OSMR: variants seen among roughly 807,000 people sequenced by gnomAD.
OSMR encodes oncostatin M receptor, also known as oncostatin-M-specific receptor subunit beta.
In OSMR, 81 loss-of-function variants were observed where a neutral mutation model predicts 99.9. The ratio of observed to expected loss-of-function variants is 0.81; its 90% CI spans 0.68 to 0.97. OSMR has a LOEUF of 0.97. Among genes scored for constraint, OSMR ranks in the 50% least tolerant of loss-of-function variants. OSMR has a pLI of 0.00. For synonymous variants in OSMR, 406 were observed against 410.4 expected (o/e 0.99, Z 0.13); for missense variants, 1,099 against 1,153.4 (o/e 0.95, Z 0.68).
intron 1 of OSMR, among the ~76,000 whole-genome samples, chr5:38,858,700 A>G (rs180905362): frequency 6.6e-6 from 1 of 152,226 alleles, no homozygotes; most frequent in East Asian, 1.9e-4. Flanking sequence ...GTTTTCTATA[A>G]TGGCTCTTCT....
intron 7 of OSMR, among the ~76,000 whole-genome samples, chr5:38,888,911 G>A (rs541512730): frequency 3.3e-5 from 5 of 152,042 alleles, no homozygotes; most frequent in African/African-American, 9.7e-5. Flanking sequence ...TACTCTGGTC[G>A]TTGTATTTAA....
At chr5:38,874,383 G>C (rs1742638433) in intron 2 of OSMR, among the ~76,000 whole-genome samples, 1 of 152,092 alleles carries the variant, frequency 6.6e-6, no homozygotes, top group Non-Finnish European at 1.5e-5. Context: ...GTAACTTTCA[G>C]GGAAGGTAGC....
chr5:38,876,057 T>G (rs1407743393), intron 2 of OSMR, 144 bp from the exon 3 acceptor site: 1 of 1,181,048 alleles, frequency 8.5e-7, no homozygotes, highest in African/African-American at 1.6e-5. Context: ...CTCTTCCAGA[T>G]TTCCAAGGTG....
At chr5:38,889,188 A>G (rs1353474062) in intron 7 of OSMR, among the ~76,000 whole-genome samples, 1 of 152,050 alleles carries the variant, frequency 6.6e-6, no homozygotes, top group Non-Finnish European at 1.5e-5. Context: ...TTCTTTCAAT[A>G]TGTAGTATCA....
chr5:38,897,007 G>T (rs762668303), intron 7 of OSMR, among the ~76,000 whole-genome samples: 2 of 151,944 alleles, frequency 1.3e-5, no homozygotes, highest in Non-Finnish European at 2.9e-5. Flanking sequence ...ATCCCACTTG[G>T]TCATGATGAA....
chr5:38,877,719 C>T lies in OSMR; in HGVS notation c.246+1346C>T, dbSNP rs549014986. On this transcript the variant is annotated intron_variant, in intron 3 of 17. Transcript: ENST00000274276. ...ATTGTGGAAAACTAGCACTTAGCAC[C>T]GTTAGCAAAAATAACATTAACCATA... Among the ~76,000 whole-genome samples, 8 of 152,220 alleles carry T rather than the reference C, an allele frequency of 5.3e-5. No individual in the cohort carries two copies. In the South Asian group the frequency reaches 1.0e-3, roughly 20 times the overall value.
intron 9 of OSMR, among the ~76,000 whole-genome samples, chr5:38,913,781 A>C (rs958020254): frequency 6.6e-6 from 1 of 152,212 alleles, no homozygotes; most frequent in Non-Finnish European, 1.5e-5. Context: ...AGCAGTCAGC[A>C]CCACTGTCCT....
chr5:38,912,553 C>T (rs929599743), intron 9 of OSMR, among the ~76,000 whole-genome samples: 2 of 151,898 alleles, frequency 1.3e-5, no homozygotes, highest in African/African-American at 4.8e-5. Context: ...TGTTATTTTT[C>T]ACAGAAATAG....
chr5:38,885,158 G>T (rs917748684), intron 5 of OSMR, 191 bp from the exon 6 acceptor site: 19 of 984,334 alleles, frequency 1.9e-5, no homozygotes, highest in Non-Finnish European at 2.1e-5. Flanking sequence ...AGGGCAGGAA[G>T]GAGAAGGGGC....
chr5:38,889,672 ATATTATC>A (rs1292744715), intron 7 of OSMR, among the ~76,000 whole-genome samples: 8 of 152,100 alleles, frequency 5.3e-5, no homozygotes, highest in Non-Finnish European at 1.0e-4. Flanking sequence ...TCCATTCACA[ATATTATC>A]TATATGTGCC....
In OSMR at chr5:38,933,230, C is replaced by A. The variant is rs1561416877; in HGVS notation, c.2726C>A (p.Pro909Gln). Residue 909 changes from proline (P) to glutamine (Q), a missense_variant, in exon 18 of 18, where the codon CCA becomes CAA. Pro to Gln is a moderately conservative substitution (Grantham distance 76). Transcript: ENST00000274276. Reference protein sequence around the residue: ...KNYMNSLGEIPAGETSLNYVS... With the variant: ...KNYMNSLGEIQAGETSLNYVS... ...TACATGAACTCCCTGGGAGAAATCC[C>A]AGCTGGAGAAACAAGTTTGAATTAT... is the stretch of plus-strand genomic sequence containing the variant. The A allele has an allele frequency of 6.2e-7, 1 of 1,614,142 alleles. No individual in the cohort carries two copies.
chr5:38,923,175 T>C lies in OSMR; in HGVS notation c.1791T>C (p.Tyr597=), dbSNP rs561857976. ...STDAFRPGVR[Y]DFRIYGLSTK... ...ATGCTTTTAGGCCAGGAGTTCGATA[T>C]GACTTCAGAATTTATGGGTTATCTA... is the stretch of plus-strand genomic sequence containing the variant. Residue 597 remains tyrosine (Y), a synonymous_variant, in exon 13 of 18, where the codon TAT becomes TAC. Coordinates refer to ENST00000274276, the MANE Select transcript of OSMR (RefSeq NM_003999.3). 111 of 1,613,434 alleles carry C rather than the reference T, an allele frequency of 6.9e-5. 1 individual carries two copies. In the South Asian group the frequency reaches 1.0e-3, roughly 15 times the overall value.
chr5:38,878,894 A>G (rs900684632), intron 3 of OSMR, among the ~76,000 whole-genome samples: 2 of 152,210 alleles, frequency 1.3e-5, no homozygotes, highest in Non-Finnish European at 2.9e-5. Flanking sequence ...AATACAACTC[A>G]TTGCATATTA....
downstream of OSMR, chr5:38,938,591 A>G (rs1747216031): frequency 4.3e-6 from 1 of 232,912 alleles, no homozygotes; most frequent in Non-Finnish European, 8.5e-6. Flanking sequence ...AAAATACTCC[A>G]AACAGGAAAA....
intron 1 of OSMR, among the ~76,000 whole-genome samples, chr5:38,856,940 C>T (rs1740902720): frequency 6.6e-6 from 1 of 152,188 alleles, no homozygotes; most frequent in African/African-American, 2.4e-5. Flanking sequence ...TCATGCCTGG[C>T]CCAGACAAGA....
At chr5:38,906,412 A>C (rs1745237045) in intron 9 of OSMR, among the ~76,000 whole-genome samples, 1 of 152,180 alleles carries the variant, frequency 6.6e-6, no homozygotes, top group South Asian at 2.1e-4. Flanking sequence ...TGTGTATTAT[A>C]ACCATGCTTA....
At chr5:38,927,540 A>C (rs1477112399) in intron 15 of OSMR, among the ~76,000 whole-genome samples, 1 of 152,170 alleles carries the variant, frequency 6.6e-6, no homozygotes, top group Non-Finnish European at 1.5e-5. Context: ...CCACAGCTGG[A>C]GCTGAAGCAG....
At chr5:38,922,924 C>T (rs867319245) in intron 12 of OSMR, 3 of 155,084 alleles carry the variant, frequency 1.9e-5, no homozygotes, top group Non-Finnish European at 4.2e-5. Context: ...TACAGGTGCC[C>T]GCCATTAAAT....
chr5:38,852,650 C>T (rs1208022364), intron 1 of OSMR, among the ~76,000 whole-genome samples: 1 of 143,632 alleles, frequency 7.0e-6, no homozygotes, highest in Non-Finnish European at 1.5e-5. Context: ...CCTGTTTTTA[C>T]TTATTTCTAA....
Sources: allele counts gnomAD v4.1 joint callset (sites outside exome capture counted in the v4.1 genomes callset), GRCh38; gene constraint gnomAD v4.1.1; transcripts MANE v1.5; gene names NCBI Gene and HGNC (gene_info 2026-07-23, HGNC 2026-07-21).